Variants in ANK3 observed in about 807,000 individuals in gnomAD.
ANK3 encodes ankyrin 3.
Under a neutral mutation model 370.9 loss-of-function variants are expected in ANK3, and 57 were observed. The ratio of observed to expected loss-of-function variants is 0.15; its 90% CI spans 0.12 to 0.19. ANK3 has a LOEUF of 0.19. ANK3 is among the 10% of genes least tolerant of loss of function. The pLI is 1.00. For synonymous variants in ANK3, 1,929 were observed against 1,946.3 expected (o/e 0.99, Z 0.23); for missense variants, 4,439 against 5,302.1 (o/e 0.84, Z 5.06).
intron 2 of ANK3, among the ~76,000 whole-genome samples, chr10:60,549,736 C>A (rs946997677): frequency 1.3e-5 from 2 of 152,020 alleles, no homozygotes; most frequent in African/African-American, 4.8e-5. Context: ...ATATGAATAT[C>A]ATAATTGACA....
chr10:60,240,205 T>C (rs1292186957), intron 7 of ANK3, among the ~76,000 whole-genome samples: 19 of 139,596 alleles, frequency 1.4e-4, no homozygotes, highest in South Asian at 1.1e-3. Flanking sequence ...CACACACACA[T>C]ATATATACAC....
chr10:60,553,520 A>G (rs1012617056), intron 2 of ANK3, among the ~76,000 whole-genome samples: 7 of 152,154 alleles, frequency 4.6e-5, no homozygotes, highest in Admixed American at 1.3e-4. Context: ...ACCTCCATTT[A>G]TAGCACCTGA....
chr10:60,349,167 A>G (rs1309406330), intron 1 of ANK3, among the ~76,000 whole-genome samples: 6 of 152,200 alleles, frequency 3.9e-5, no homozygotes, highest in Admixed American at 3.3e-4. Context: ...TTTGCTGCAA[A>G]CTGTTTAGTG....
At chr10:60,423,383 C>A (rs181274473) in intron 2 of ANK3, among the ~76,000 whole-genome samples, 3 of 151,272 alleles carry the variant, frequency 2.0e-5, no homozygotes, top group African/African-American at 4.8e-5. Context: ...GGAGGTAGGG[C>A]AGTCTGGAAT....
chr10:60,619,627 T>G (rs1169888428), intron 1 of ANK3, among the ~76,000 whole-genome samples: 1 of 152,196 alleles, frequency 6.6e-6, no homozygotes, highest in East Asian at 1.9e-4. Context: ...TTTATCTTCT[T>G]TGGCTCACAA....
At chr10:60,566,050 T>C (rs929419888) in intron 2 of ANK3, among the ~76,000 whole-genome samples, 1 of 152,240 alleles carries the variant, frequency 6.6e-6, no homozygotes, top group Non-Finnish European at 1.5e-5. Context: ...TTGGTAATTC[T>C]CAAAATATTT....
intron 16 of ANK3, among the ~76,000 whole-genome samples, chr10:60,194,564 T>G (rs538297292): frequency 2.6e-5 from 4 of 152,250 alleles, no homozygotes; most frequent in Admixed American, 2.0e-4. Flanking sequence ...CCATGTATTA[T>G]AGTAGAGTAT....
intron 2 of ANK3, among the ~76,000 whole-genome samples, chr10:60,606,374 G>A (rs2078128361): frequency 6.6e-6 from 1 of 151,766 alleles, no homozygotes; most frequent in Admixed American, 6.6e-5. Flanking sequence ...AAAGTACACA[G>A]GATCCTTTCT....
At chr10:60,324,829 C>T (rs1015742283) in intron 1 of ANK3, among the ~76,000 whole-genome samples, 2 of 152,150 alleles carry the variant, frequency 1.3e-5, no homozygotes, top group African/African-American at 4.8e-5. Flanking sequence ...ATTGTGGCCA[C>T]TGCTATATCC....
At chr10:60,250,568 T>C (rs973343920) in intron 7 of ANK3, among the ~76,000 whole-genome samples, 1 of 152,114 alleles carries the variant, frequency 6.6e-6, no homozygotes, top group East Asian at 1.9e-4. Flanking sequence ...AGTTTCACCA[T>C]GTTAGCCAGG....
intron 2 of ANK3, among the ~76,000 whole-genome samples, chr10:60,531,556 A>G (rs2076606774): frequency 6.6e-6 from 1 of 152,040 alleles, no homozygotes; most frequent in African/African-American, 2.4e-5. Context: ...TATTCACATA[A>G]TTAAAAGTTA....
chr10:60,384,531 A>G (rs2061988807), intron 1 of ANK3, among the ~76,000 whole-genome samples: 1 of 152,204 alleles, frequency 6.6e-6, no homozygotes, highest in African/African-American at 2.4e-5. Context: ...AGCACAAGCT[A>G]GAGAGTTAGA....
chr10:60,108,756 C>A, intron 27 of ANK3, 74 bp downstream of exon 27: 1 of 1,303,694 alleles, frequency 7.7e-7, no homozygotes, highest in Admixed American at 1.8e-5. Flanking sequence ...GAGTTATCTC[C>A]TTGAGTTAAC....
rs754173928 is a variant in ANK3 at position 60,075,644 on chromosome 10, G to A, written c.5237C>T (p.Ser1746Phe). The change falls in exon 37 of 44, where the codon TCT becomes TTT. Residue 1746 changes from serine to phenylalanine, a missense_variant. Physicochemically the swap from Ser to Phe is radical, Grantham distance 155 (BLOSUM62 -2). This residue lies in a region of ANK3 where 679 missense variants were observed against 791.0 expected (regional missense o/e 0.86). Coordinates refer to ENST00000280772, the MANE Select transcript of ANK3 (RefSeq NM_020987.5). ...AGAGCTCACAGAGTTTGTAGCAGAA[G>A]AAATTTTTTCCTGTAACGTGGCAGT... Reference protein sequence around the residue: ...KATATLQEKISSATNSVSSVV... With the variant: ...KATATLQEKIFSATNSVSSVV... The A allele has an allele frequency of 3.7e-6, 6 of 1,614,106 alleles. No homozygotes were observed. The highest frequency in any genetic ancestry group is 5.1e-6 in the Non-Finnish European group (6 of 1,179,982).
At chr10:60,241,106 T>G (rs2097449862) in intron 7 of ANK3, among the ~76,000 whole-genome samples, 1 of 152,186 alleles carries the variant, frequency 6.6e-6, no homozygotes, top group Non-Finnish European at 1.5e-5. Context: ...AGGTTTAACT[T>G]AGCCATTAAC....
chr10:60,167,266 C>A (rs1001904405), intron 21 of ANK3, among the ~76,000 whole-genome samples: 19 of 152,164 alleles, frequency 1.2e-4, no homozygotes, highest in Non-Finnish European at 2.8e-4. Context: ...GAAGAGAAGC[C>A]AAATGAGCTG....
chr10:60,486,936 TAAAC>T (rs1162212792), intron 2 of ANK3, among the ~76,000 whole-genome samples: 3 of 152,162 alleles, frequency 2.0e-5, no homozygotes, highest in Non-Finnish European at 4.4e-5. Context: ...TGTTTTATAA[TAAAC>T]AAAAAATATT....
At chr10:60,085,405 C>T in intron 30 of ANK3, 152 bp from the exon 31 acceptor site, 1 of 470,082 alleles carries the variant, frequency 2.1e-6, no homozygotes, top group Non-Finnish European at 3.8e-6. Flanking sequence ...TAGTTTTCCT[C>T]TCTACTCTCC....
At chr10:60,156,061 A>G (rs1203256626) in intron 23 of ANK3, among the ~76,000 whole-genome samples, 1 of 152,142 alleles carries the variant, frequency 6.6e-6, no homozygotes, top group African/African-American at 2.4e-5. Context: ...CATCTATCCT[A>G]TTAGTTCTGT....
Sources: allele counts gnomAD v4.1 joint callset (sites outside exome capture counted in the v4.1 genomes callset), GRCh38; gene constraint gnomAD v4.1.1; regional missense constraint gnomAD v4.1.1; transcripts MANE v1.5; gene names NCBI Gene and HGNC (gene_info 2026-07-23, HGNC 2026-07-21).